The following PIK3R2 variants were observed in gnomAD, a reference collection of about 807,000 sequenced individuals.
The protein encoded by PIK3R2 is phosphatidylinositol 3-kinase regulatory subunit beta.
In PIK3R2, 40 loss-of-function variants were observed where a neutral mutation model predicts 78.5. That is an observed-to-expected ratio of 0.51 (90% CI 0.40 to 0.66). The LOEUF (loss-of-function observed/expected upper bound fraction) is 0.66. Ranked by LOEUF, PIK3R2 falls within the 30% of genes least tolerant of loss-of-function variation. PIK3R2 has a pLI of 0.00. For missense variants in PIK3R2, 880 were observed against 1,026.6 expected (o/e 0.86, Z 1.95); for synonymous variants, 473 against 457.7 (o/e 1.03, Z -0.43).
chr19:18,154,452 C>G (rs1270575623), intron 1 of PIK3R2, among the ~76,000 whole-genome samples: 8 of 152,176 alleles, frequency 5.3e-5, no homozygotes, highest in Non-Finnish European at 1.0e-4. Flanking sequence ...CCAGCCCACT[C>G]ACTCCTCCTC....
rs1413273352 is a variant in PIK3R2 at position 18,162,398 on chromosome 19, G to A, written c.1011-10G>A. On this transcript the variant is annotated splice_polypyrimidine_tract_variant and intron_variant, in intron 8 of 15. Transcript: ENST00000222254. ...TGGCTCGGCAGTCCCAATGTTGGAT[G>A]TTCCCACAGGGAGGAGGTGAACGAG... 5.0e-6 allele frequency: 8 copies of A among 1,612,526 alleles called. No homozygotes were observed. In the East Asian group the frequency reaches 8.9e-5, roughly 18 times the overall value.
At position 18,168,060 on chromosome 19, in the gene PIK3R2, C is replaced by T. The variant is rs922114882; in HGVS notation, c.1737-415C>T. Among the ~76,000 whole-genome samples the T allele has an allele frequency of 1.3e-5, 2 of 152,090 alleles. No individual in the cohort carries two copies. The highest frequency in any genetic ancestry group is 2.4e-5 in the African/African-American group (1 of 41,406). On this transcript the variant is annotated intron_variant, in intron 13 of 15. Coordinates refer to ENST00000222254, the MANE Select transcript of PIK3R2 (RefSeq NM_005027.4). This position sits in a 1 kb window ranked among gnomAD's most constrained non-coding sequence, Gnocchi z 4.1. ...GCGTGCCAGGTGCTGTGCTAAGCAC[C>T]GTGCTCGTTATGAGTTCATTTGGTC... is the stretch of plus-strand genomic sequence containing the variant.
At chr19:18,154,317 C>G (rs2043654983) in intron 1 of PIK3R2, among the ~76,000 whole-genome samples, 1 of 152,094 alleles carries the variant, frequency 6.6e-6, no homozygotes, top group South Asian at 2.1e-4. Flanking sequence ...AGCCTCCCCT[C>G]CTCCTCAGCT....
Position 18,168,929 on chromosome 19 carries a change from T to TC in PIK3R2, c.1979+36dup. 6.3e-7 allele frequency: 1 copy of TC among 1,596,424 alleles called. No individual in the cohort carries two copies. ...GACCGCAGCGGTGGGGATTCCCGCG[T>TC]CCCTCCCAGAGCTCTCATTGAATGC... On this transcript the variant is annotated intron_variant, in intron 15 of 15. Transcript: ENST00000222254. This position sits in a 1 kb window ranked among gnomAD's most constrained non-coding sequence, Gnocchi z 4.1.
At position 18,160,456 on chromosome 19, in the gene PIK3R2, T is replaced by G. The variant is rs775429490; in HGVS notation, c.323-15T>G. The G allele has an allele frequency of 1.3e-6, 2 of 1,520,096 alleles. No individual in the cohort carries two copies. The highest frequency in any genetic ancestry group is 1.8e-6 in the Non-Finnish European group (2 of 1,094,560). The allele number at this position is 1,520,096 out of a possible 1,614,324, so 94.2% of individuals were successfully genotyped here. ...GAACCCCACCAACATGCAACCCCCC[T>G]GTTTCCCCCACCAGGCCTCACACTC... On this transcript the variant is annotated splice_polypyrimidine_tract_variant and intron_variant, in intron 2 of 15. Transcript: ENST00000222254.
chr19:18,168,673 G>C lies in PIK3R2; in HGVS notation c.1809-53G>C, dbSNP rs2043833261. The stretch of plus-strand genomic sequence containing the variant: ...TTGTCCAGGCAGCTGGGGAGCCTCG[G>C]AGGCTGGCAGGTGAGTGACCAGGGC... On this transcript the variant is annotated intron_variant, in intron 14 of 15. Coordinates refer to ENST00000222254, the MANE Select transcript of PIK3R2 (RefSeq NM_005027.4). This position sits in a 1 kb window ranked among gnomAD's most constrained non-coding sequence, Gnocchi z 4.1. The C allele has an allele frequency of 1.4e-5, 21 of 1,481,146 alleles. 1 individual carries two copies. 91.8% of individuals were successfully genotyped at this position (1,481,146 alleles called of 1,614,324 possible).
In PIK3R2 at chr19:18,169,287, C is replaced by A. The variant is rs2147961010; in HGVS notation, c.2180C>A (p.Ala727Asp). 1 of 1,496,048 alleles carries A rather than the reference C, an allele frequency of 6.7e-7. No homozygotes were observed. Among genetic ancestry groups the A allele is most frequent in the Non-Finnish European group, 8.9e-7 (1 of 1,128,742 alleles). 92.7% of individuals were successfully genotyped at this position (1,496,048 alleles called of 1,614,324 possible). A position where few individuals can be genotyped will look rare whatever the true frequency, so the allele number is the denominator to read the frequency against. Reference sequence around the variant, plus strand: ...CCGGGCCCCGGCCCGCCGCCTGCCGCCCGCTGAGCACCGAGGACCCGCCCC... The same window carrying A: ...CCGGGCCCCGGCCCGCCGCCTGCCGACCGCTGAGCACCGAGGACCCGCCCC... The part of the protein sequence containing the change: ...RAPGPGPPPA[A>D]R Residue 727 changes from alanine to aspartate, a missense_variant, in exon 16 of 16, where the codon GCC becomes GAC. Physicochemically the swap from Ala to Asp is moderately radical, Grantham distance 126 (BLOSUM62 -2). Transcript: ENST00000222254.
chr19:18,155,988 G>A lies in PIK3R2; in HGVS notation c.109G>A (p.Ala37Thr), dbSNP rs1014318725. The change falls in exon 2 of 16, where the codon GCC becomes ACC. Residue 37 changes from alanine to threonine, a missense_variant. Coordinates refer to ENST00000222254, the MANE Select transcript of PIK3R2 (RefSeq NM_005027.4). ...CGACGTGCTGGTAGTGAGCCGGGCG[G>A]CCTTGCAGGCGCTGGGCGTGGCCGA... ...PGDVLVVSRA[A>T]LQALGVAEGG... 6.4e-7 allele frequency: 1 copy of A among 1,560,716 alleles called. No individual in the cohort carries two copies. Among genetic ancestry groups the A allele is most frequent in the Non-Finnish European group, 8.7e-7 (1 of 1,152,898 alleles).
Position 18,155,700 on chromosome 19 carries a change from C to T in PIK3R2, c.-180C>T. 1 of 582,852 alleles carries T rather than the reference C, an allele frequency of 1.7e-6. No individual in the cohort carries two copies. Among genetic ancestry groups the T allele is most frequent in the Non-Finnish European group, 3.0e-6 (1 of 333,010 alleles). 36.1% of individuals were successfully genotyped at this position (582,852 alleles called of 1,614,324 possible). ...AGTGACGAGTGGCCCTTGTAAGGGT[C>T]ATGGAATAATTTGAAGCGAGGCATG... On this transcript the variant is annotated 5_prime_UTR_variant, in exon 2 of 16. Transcript: ENST00000222254.
chr19:18,164,586 T>G (rs2043787511), intron 11 of PIK3R2, among the ~76,000 whole-genome samples: 1 of 152,066 alleles, frequency 6.6e-6, no homozygotes, highest in Non-Finnish European at 1.5e-5. Flanking sequence ...CAGCTGGGAA[T>G]TCCTCAGTCG....
chr19:18,163,072 C>A lies in PIK3R2; in HGVS notation c.1215C>A (p.Tyr405Ter). 6.2e-7 allele frequency: 1 copy of A among 1,613,892 alleles called. No homozygotes were observed. Among genetic ancestry groups the A allele is most frequent in the Non-Finnish European group, 8.5e-7 (1 of 1,179,990 alleles). Residue 405 changes from tyrosine to a stop codon, truncating the protein, a stop_gained, in exon 10 of 16, where the codon TAC (tyrosine) becomes TAA (stop). Coordinates refer to ENST00000222254, the MANE Select transcript of PIK3R2 (RefSeq NM_005027.4). LOFTEE classifies it high-confidence loss of function. ...FCSVVDLINH[Y>*]RHESLAQYNA... The stretch of plus-strand genomic sequence containing the variant: ...CCGTTGTGGACCTCATCAATCACTA[C>A]CGCCACGAGTCTCTGGCCCAGTACA...
In PIK3R2 at chr19:18,161,458, C is replaced by G. The variant is rs1210626632; in HGVS notation, c.778C>G (p.Pro260Ala). The change falls in exon 6 of 16, where the codon CCG becomes GCG. Residue 260 changes from proline to alanine, a missense_variant. Coordinates refer to ENST00000222254, the MANE Select transcript of PIK3R2 (RefSeq NM_005027.4). The surrounding 1 kb of genome is among the most constrained non-coding windows in gnomAD (Gnocchi z 5.3). ...FGPLLLRAPP[P>A]PSSPPPGGAP... ...GCCGCTGCTGCTGCGCGCGCCGCCG[C>G]CGCCGTCCTCGCCGCCGCCAGGGGG... 3 of 1,203,594 alleles carry G rather than the reference C, an allele frequency of 2.5e-6. No individual in the cohort carries two copies. In the African/African-American group the frequency reaches 4.8e-5, roughly 19 times the overall value. 74.6% of individuals were successfully genotyped at this position (1,203,594 alleles called of 1,614,324 possible). A position where few individuals can be genotyped will look rare whatever the true frequency, so the allele number is the denominator to read the frequency against.
In PIK3R2 at chr19:18,167,861, C is replaced by A. The variant is rs139394611; in HGVS notation, c.1736+555C>A. ...CCTGGGCAACAGAGCAACACTCTGC[C>A]TCAGAAAAGAAAAGAAAAAAAAAAT... On this transcript the variant is annotated intron_variant, in intron 13 of 15. Coordinates refer to ENST00000222254, the MANE Select transcript of PIK3R2 (RefSeq NM_005027.4). This position sits in a 1 kb window ranked among gnomAD's most constrained non-coding sequence, Gnocchi z 4.5. 6.3e-3 allele frequency among the ~76,000 whole-genome samples: 950 copies of A among 151,976 alleles called. 9 individuals are homozygous for A. Among genetic ancestry groups the A allele is most frequent in the African/African-American group, 0.022 (893 of 41,448 alleles).
At chr19:18,160,838 G>A (rs1475863767) in intron 3 of PIK3R2, 81 bp from the exon 4 acceptor site, 2 of 1,503,372 alleles carry the variant, frequency 1.3e-6, no homozygotes, top group Non-Finnish European at 1.8e-6. Context: ...GGAGACTGCA[G>A]GGGGGTTGAG....
rs1450586966 is a variant in PIK3R2, at chr19:18,170,053, C to T, written c.*759C>T. 6 of 169,222 alleles carry T rather than the reference C, an allele frequency of 3.5e-5. No homozygotes were observed. The highest frequency in any genetic ancestry group is 3.2e-4 in the Admixed American group (5 of 15,640). 10.5% of individuals were successfully genotyped at this position (169,222 alleles called of 1,614,324 possible). ...GCAAAACCCCGCATCTACTAAAATA[C>T]AAAAATTAGCCGGGCGTGGTGGCGG... On this transcript the variant is annotated 3_prime_UTR_variant, in exon 16 of 16. Coordinates refer to ENST00000222254, the MANE Select transcript of PIK3R2 (RefSeq NM_005027.4).
intron 2 of PIK3R2, among the ~76,000 whole-genome samples, chr19:18,160,212 C>T (rs1441244645): frequency 2.0e-5 from 3 of 152,226 alleles, no homozygotes; most frequent in African/African-American, 4.8e-5. Flanking sequence ...CTTTATTCAG[C>T]GCACTCCACC....
chr19:18,169,420 T>A lies in PIK3R2; in HGVS notation c.*126T>A, dbSNP rs57909410. 8.1e-3 allele frequency: 3,336 copies of A among 413,568 alleles called. 115 individuals are homozygous for A. Among genetic ancestry groups the A allele is most frequent in the African/African-American group, 0.065 (3,063 of 47,218 alleles). 25.6% of individuals were successfully genotyped at this position (413,568 alleles called of 1,614,324 possible). ...CTCATTTCTCCGGCTCTGGCTCTTG[T>A]TTGGGGTTCTCTCACCCTCTTTCTC... On this transcript the variant is annotated 3_prime_UTR_variant, in exon 16 of 16. Transcript: ENST00000222254.
intron 1 of PIK3R2, among the ~76,000 whole-genome samples, chr19:18,153,971 G>A (rs1281345976): frequency 6.6e-6 from 1 of 152,148 alleles, no homozygotes; most frequent in African/African-American, 2.4e-5. Context: ...CGCCCTGCTC[G>A]GACACCTCTT....
At chr19:18,166,978 A>G in intron 12 of PIK3R2, 152 bp from the exon 13 acceptor site, 2 of 579,980 alleles carry the variant, frequency 3.4e-6, no homozygotes, top group Non-Finnish European at 5.8e-6. Flanking sequence ...TACAAAAAAT[A>G]TTAAAATGTT....
Sources: gnomAD v4.1 joint callset for allele counts (sites outside exome capture counted in the v4.1 genomes callset) on GRCh38, gnomAD v4.1.1 for gene constraint, Gnocchi (gnomAD v3.1) non-coding constraint, MANE v1.5 for transcripts, NCBI Gene and HGNC (gene_info 2026-07-23, HGNC 2026-07-21) for gene names.